The following VPS13B variants were observed in gnomAD, a reference collection of about 807,000 sequenced individuals.
The protein encoded by VPS13B is intermembrane lipid transfer protein VPS13B.
In VPS13B, 285 loss-of-function variants were observed where a neutral mutation model predicts 426.4. The ratio of observed to expected loss-of-function variants is 0.67; its 90% confidence interval spans 0.61 to 0.74. VPS13B has a LOEUF of 0.74. VPS13B is among the 30% of genes least tolerant of loss of function. The pLI is 0.00. For missense variants in VPS13B, 4,537 were observed against 4,782.6 expected (o/e 0.95, Z 1.51); for synonymous variants, 1,676 against 1,676.4 (o/e 1.00, Z 0.01).
chr8:99,726,235 G>C (rs1833345134), intron 39 of VPS13B, among the ~76,000 whole-genome samples: 1 of 152,078 alleles, frequency 6.6e-6, no homozygotes, highest in African/African-American at 2.4e-5. Flanking sequence ...CTTATTTTAT[G>C]GTCAGCTTAT....
intron 16 of VPS13B, among the ~76,000 whole-genome samples, chr8:99,188,484 A>T (rs1013141811): frequency 6.6e-6 from 1 of 152,144 alleles, no homozygotes; most frequent in Non-Finnish European, 1.5e-5. Context: ...CAGTTGGGGT[A>T]CATTTGTGTT....
intron 2 of VPS13B, among the ~76,000 whole-genome samples, chr8:99,020,945 A>G (rs1841853716): frequency 6.6e-6 from 1 of 152,252 alleles, no homozygotes; most frequent in African/African-American, 2.4e-5. Context: ...GTAATGATGT[A>G]AAGTTATAAA....
chr8:99,702,174 C>T (rs935520034), intron 36 of VPS13B, among the ~76,000 whole-genome samples: 2 of 152,112 alleles, frequency 1.3e-5, no homozygotes, highest in Non-Finnish European at 2.9e-5. Flanking sequence ...AAGCCTCCTA[C>T]CAGTAGTCAT....
intron 19 of VPS13B, among the ~76,000 whole-genome samples, chr8:99,297,706 T>C (rs571434860): frequency 9.8e-5 from 15 of 152,334 alleles, no homozygotes; most frequent in African/African-American, 2.9e-4. Context: ...AACATCGTTT[T>C]AGACAATTTT....
intron 12 of VPS13B, among the ~76,000 whole-genome samples, chr8:99,139,526 C>T (rs1021560571): frequency 2.8e-4 from 43 of 151,784 alleles, no homozygotes; most frequent in Non-Finnish European, 5.0e-4. Flanking sequence ...CAAGCTCCGC[C>T]TCCCGGGTTC....
intron 17 of VPS13B, among the ~76,000 whole-genome samples, chr8:99,205,058 T>G (rs1814611370): frequency 6.6e-6 from 1 of 152,252 alleles, no homozygotes; most frequent in Non-Finnish European, 1.5e-5. Context: ...TGCATTTTTA[T>G]GTTTATTGCA....
chr8:99,648,702 A>G lies in VPS13B; in HGVS notation c.5908+6204A>G, dbSNP rs537643576. Among the ~76,000 whole-genome samples, 51 of 152,260 alleles carry G rather than the reference A, an allele frequency of 3.3e-4. 1 individual carries two copies. The South Asian group carries it at 0.01, about 30-fold the overall frequency. ...TAATTGTCATAAATATTACATCTAT[A>G]TATTCAAAACCCTACCAGATAAGAT... On this transcript the variant is annotated intron_variant, in intron 34 of 61. Coordinates refer to ENST00000357162, the MANE Select transcript of VPS13B (RefSeq NM_152564.5).
At chr8:99,452,092 C>T (rs1025441964) in intron 23 of VPS13B, among the ~76,000 whole-genome samples, 2 of 152,072 alleles carry the variant, frequency 1.3e-5, no homozygotes, top group Non-Finnish European at 2.9e-5. Context: ...ACGAATTGGC[C>T]CTGCCCACCT....
At chr8:99,483,449 T>C (rs567673304) in intron 25 of VPS13B, among the ~76,000 whole-genome samples, 3 of 152,304 alleles carry the variant, frequency 2.0e-5, no homozygotes, top group Admixed American at 2.0e-4. Flanking sequence ...AAAAGCTATT[T>C]AACTTTATTG....
intron 32 of VPS13B, 147 bp from the exon 33 acceptor site, chr8:99,577,343 T>C: frequency 1.0e-6 from 1 of 987,572 alleles, no homozygotes; most frequent in South Asian, 1.4e-5. Context: ...GTGGCTGTGC[T>C]CACCATTTTT....
intron 23 of VPS13B, among the ~76,000 whole-genome samples, chr8:99,459,525 C>G (rs955290263): frequency 6.6e-6 from 1 of 152,052 alleles, no homozygotes; most frequent in Non-Finnish European, 1.5e-5. Flanking sequence ...AGGCTATAGC[C>G]CATCTGTGGT....
At chr8:99,487,310 T>C (rs1389676600) in intron 25 of VPS13B, among the ~76,000 whole-genome samples, 2 of 152,192 alleles carry the variant, frequency 1.3e-5, no homozygotes, top group Non-Finnish European at 2.9e-5. Context: ...TAAATGTTCA[T>C]TTCAGCTTAG....
At chr8:99,486,511 C>T (rs920928590) in intron 25 of VPS13B, among the ~76,000 whole-genome samples, 2 of 152,200 alleles carry the variant, frequency 1.3e-5, no homozygotes, top group Admixed American at 1.3e-4. Flanking sequence ...CCATCCTGCC[C>T]AGGCATGAAT....
At chr8:99,742,607 C>A (rs1003174259) in intron 39 of VPS13B, among the ~76,000 whole-genome samples, 3 of 152,148 alleles carry the variant, frequency 2.0e-5, no homozygotes, top group African/African-American at 7.2e-5. Flanking sequence ...TCCAGCAGCA[C>A]ATCAAAAAGC....
intron 19 of VPS13B, among the ~76,000 whole-genome samples, chr8:99,294,421 G>A (rs935697281): frequency 7.1e-6 from 1 of 140,940 alleles, no homozygotes; most frequent in Non-Finnish European, 1.5e-5. Flanking sequence ...AGATAGCATT[G>A]GGAGATATAC....
chr8:99,408,798 AT>A (rs1373697727), intron 21 of VPS13B, among the ~76,000 whole-genome samples: 1 of 152,190 alleles, frequency 6.6e-6, no homozygotes, highest in Non-Finnish European at 1.5e-5. Context: ...ACATGCCAGC[AT>A]TTTGTGGTCT....
chr8:99,261,431 C>A (rs886267310), intron 17 of VPS13B, among the ~76,000 whole-genome samples: 1 of 151,994 alleles, frequency 6.6e-6, no homozygotes, highest in East Asian at 1.9e-4. Context: ...AATAATATTT[C>A]TTGTCTGGAT....
intron 33 of VPS13B, among the ~76,000 whole-genome samples, chr8:99,617,628 T>C (rs1828153213): frequency 6.6e-6 from 1 of 152,152 alleles, no homozygotes; most frequent in Non-Finnish European, 1.5e-5. Context: ...CACCTAGCTG[T>C]TTTTGTTTTT....
At chr8:99,713,894 C>T (rs1832803859) in intron 36 of VPS13B, among the ~76,000 whole-genome samples, 1 of 152,182 alleles carries the variant, frequency 6.6e-6, no homozygotes, top group South Asian at 2.1e-4. Flanking sequence ...AATCCCAGCA[C>T]TTTGAGAGGC....
Sources: gnomAD v4.1 joint callset for allele counts (sites outside exome capture counted in the v4.1 genomes callset) on GRCh38, gnomAD v4.1.1 for gene constraint, MANE v1.5 for transcripts, NCBI Gene and HGNC (gene_info 2026-07-23, HGNC 2026-07-21) for gene names.